Variants in STK39 observed in about 807,000 individuals in gnomAD.
STK39 encodes STE20/SPS1-related proline-alanine-rich protein kinase.
STK39 carries 20 observed loss-of-function variants against 77.8 expected under a neutral mutation model. The observed-to-expected ratio is 0.26, with a 90% CI of 0.18 to 0.37. The LOEUF is 0.37. Ranked by LOEUF, STK39 falls within the 10% of genes least tolerant of loss-of-function variation. The pLI is 1.00. For synonymous variants in STK39, 246 were observed against 234.1 expected (o/e 1.05, Z -0.47); for missense variants, 479 against 656.5 (o/e 0.73, Z 2.95).
chr2:168,145,970 C>T (rs1189116551), intron 5 of STK39, among the ~76,000 whole-genome samples: 1 of 152,082 alleles, frequency 6.6e-6, no homozygotes, highest in Non-Finnish European at 1.5e-5. Flanking sequence ...GTTCTTAGCA[C>T]CAGAGAGTGG....
At chr2:168,102,822 C>T (rs150754078) in intron 10 of STK39, among the ~76,000 whole-genome samples, 10,029 of 146,702 alleles carry the variant, frequency 0.068, 576 homozygotes, top group African/African-American at 0.14. Flanking sequence ...CCCAGCTACT[C>T]GGGAGGCTGA....
intron 7 of STK39, among the ~76,000 whole-genome samples, chr2:168,138,797 T>C (rs1251821497): frequency 6.6e-6 from 1 of 152,020 alleles, no homozygotes; most frequent in Non-Finnish European, 1.5e-5. Flanking sequence ...TATAACTGAG[T>C]TGCTAAAAAC....
chr2:167,990,621 G>C (rs556796875), intron 16 of STK39, among the ~76,000 whole-genome samples: 69 of 152,306 alleles, frequency 4.5e-4, no homozygotes, highest in African/African-American at 1.6e-3. Flanking sequence ...AATCTGAACA[G>C]TGCAAATGCA....
intron 1 of STK39, among the ~76,000 whole-genome samples, chr2:168,237,493 T>C (rs1690650805): frequency 6.6e-6 from 1 of 151,998 alleles, no homozygotes; most frequent in Non-Finnish European, 1.5e-5. Flanking sequence ...TGAATAGGAG[T>C]GGTGAGAGAG....
At chr2:168,008,497 A>T (rs981811123) in intron 16 of STK39, among the ~76,000 whole-genome samples, 2 of 152,348 alleles carry the variant, frequency 1.3e-5, no homozygotes, top group African/African-American at 4.8e-5. Flanking sequence ...GAAGCTGTGG[A>T]TTAAATCTTG....
chr2:167,956,002 A>G (rs547567794), intron 17 of STK39, among the ~76,000 whole-genome samples: 1 of 152,358 alleles, frequency 6.6e-6, no homozygotes, highest in Non-Finnish European at 1.5e-5. Flanking sequence ...ACCCAGGAGT[A>G]ATTTAGTTTT....
intron 10 of STK39, among the ~76,000 whole-genome samples, chr2:168,106,275 A>G (rs1435491686): frequency 1.3e-5 from 2 of 152,186 alleles, no homozygotes; most frequent in Non-Finnish European, 2.9e-5. Flanking sequence ...CAGTTTTCTC[A>G]TCTGCAATTC....
At chr2:168,210,664 C>T (rs1213208544) in intron 1 of STK39, among the ~76,000 whole-genome samples, 1 of 152,154 alleles carries the variant, frequency 6.6e-6, no homozygotes, top group Non-Finnish European at 1.5e-5. Context: ...GGACCACAGG[C>T]ACCTGCCACC....
chr2:168,014,048 ACT>A (rs1056252487), intron 15 of STK39, among the ~76,000 whole-genome samples: 3 of 152,178 alleles, frequency 2.0e-5, no homozygotes, highest in Admixed American at 6.5e-5. Context: ...CTGCCATTTT[ACT>A]GATTCCATTT....
At chr2:168,238,489 G>A (rs1378050175) in intron 1 of STK39, among the ~76,000 whole-genome samples, 1 of 152,170 alleles carries the variant, frequency 6.6e-6, no homozygotes, top group East Asian at 1.9e-4. Context: ...GAATGTAGAG[G>A]TCTCTACCAT....
rs562669066 is a variant in STK39, at chr2:168,079,112, T to C, written c.1090-3881A>G. ...AGCAGACAAAAAGCCTTCTAAATCA[T>C]GAAAAATTAACGAAATGTGACTCAG... On this transcript the variant is annotated intron_variant, in intron 10 of 17. Coordinates refer to ENST00000355999, the MANE Select transcript of STK39 (RefSeq NM_013233.3). 2.8e-3 allele frequency among the ~76,000 whole-genome samples: 421 copies of C among 152,322 alleles called. 4 individuals are homozygous for C. Among genetic ancestry groups the C allele is most frequent in the African/African-American group, 9.9e-3 (410 of 41,556 alleles).
At chr2:168,225,700 GTACAT>G (rs1195653910) in intron 1 of STK39, among the ~76,000 whole-genome samples, 4 of 152,188 alleles carry the variant, frequency 2.6e-5, no homozygotes, top group African/African-American at 9.6e-5. Context: ...AACAAAGAAA[GTACAT>G]TAGATCAGGA....
intron 10 of STK39, among the ~76,000 whole-genome samples, chr2:168,098,689 TTTC>T (rs1686738859): frequency 6.6e-6 from 1 of 152,208 alleles, no homozygotes; most frequent in Non-Finnish European, 1.5e-5. Flanking sequence ...CCTTTCCTCC[TTTC>T]TTTTCTTGTC....
At chr2:168,072,395 A>G (rs968083125) in intron 12 of STK39, among the ~76,000 whole-genome samples, 1 of 152,176 alleles carries the variant, frequency 6.6e-6, no homozygotes, top group African/African-American at 2.4e-5. Context: ...GTCTCTTCTC[A>G]GTAAGGCCTA....
chr2:168,087,080 T>C (rs534539117), intron 10 of STK39, among the ~76,000 whole-genome samples: 3 of 152,368 alleles, frequency 2.0e-5, no homozygotes, highest in African/African-American at 4.8e-5. Context: ...CACTCTGTCC[T>C]GGTAAGACAA....
chr2:167,999,371 T>C, intron 16 of STK39, among the ~76,000 whole-genome samples: 1 of 152,186 alleles, frequency 6.6e-6, no homozygotes, highest in African/African-American at 2.4e-5. Flanking sequence ...GCCTCTCGAG[T>C]TGGACTGCAA....
intron 10 of STK39, among the ~76,000 whole-genome samples, chr2:168,096,067 T>C (rs180999174): frequency 1.4e-4 from 22 of 152,346 alleles, no homozygotes; most frequent in African/African-American, 4.8e-4. Flanking sequence ...AACATAGGGT[T>C]ACAGTGTTCA....
chr2:167,982,108 C>T (rs1023394761), intron 16 of STK39, among the ~76,000 whole-genome samples: 2 of 152,166 alleles, frequency 1.3e-5, no homozygotes, highest in Non-Finnish European at 2.9e-5. Context: ...GAAAGTCTGA[C>T]CAGTCCTGCC....
chr2:168,173,939 A>G (rs2203707), intron 2 of STK39, among the ~76,000 whole-genome samples: 39,870 of 152,114 alleles, frequency 0.26, 5,863 homozygotes, highest in East Asian at 0.56. Context: ...AGAAAAACCT[A>G]TTCAAGGAAG....
Sources: gnomAD v4.1 joint callset for allele counts (sites outside exome capture counted in the v4.1 genomes callset) on GRCh38, gnomAD v4.1.1 for gene constraint, MANE v1.5 for transcripts, NCBI Gene and HGNC (gene_info 2026-07-23, HGNC 2026-07-21) for gene names.